PTPRD: variants seen among roughly 807,000 people sequenced by gnomAD.
The protein encoded by PTPRD is receptor-type tyrosine-protein phosphatase delta.
In PTPRD, 34 loss-of-function variants were observed where a neutral mutation model predicts 214.5. The observed-to-expected ratio is 0.16, with a 90% CI of 0.12 to 0.21. The LOEUF (loss-of-function observed/expected upper bound fraction) is 0.21. Among genes scored for constraint, PTPRD ranks in the 10% least tolerant of loss-of-function variants. The pLI, the probability that PTPRD is intolerant of heterozygous loss-of-function variation, is 1.00. For missense variants in PTPRD, 2,545 were observed against 2,398.7 expected (o/e 1.06, Z -1.27); for synonymous variants, 1,128 against 845.7 (o/e 1.33, Z -5.79).
intron 10 of PTPRD, among the ~76,000 whole-genome samples, chr9:9,071,131 C>G (rs558443979): frequency 6.6e-6 from 1 of 152,172 alleles, no homozygotes; most frequent in African/African-American, 2.4e-5. Flanking sequence ...CCAGTGCTAC[C>G]TTTAAATACC....
rs116166812 is a variant in PTPRD at position 9,133,347 on chromosome 9, G to A, written c.-143+49957C>T. Among the ~76,000 whole-genome samples the A allele has an allele frequency of 3.1e-3, 468 of 152,174 alleles. 2 individuals carry two copies. Among genetic ancestry groups the A allele is most frequent in the African/African-American group, 0.011 (443 of 41,514 alleles). ...AATTTATTTTAATAACCTGCTCCCC[G>A]GGGACATTTATTTTGCATAACTTGG... On this transcript the variant is annotated intron_variant, in intron 10 of 45. Transcript: ENST00000381196.
chr9:9,270,517 G>A (rs1388501399), intron 9 of PTPRD, among the ~76,000 whole-genome samples: 1 of 151,356 alleles, frequency 6.6e-6, no homozygotes, highest in Non-Finnish European at 1.5e-5. Flanking sequence ...GGAAACAATG[G>A]AAGGCTGACG....
At chr9:9,447,791 G>C (rs750598469) in intron 8 of PTPRD, among the ~76,000 whole-genome samples, 1 of 152,124 alleles carries the variant, frequency 6.6e-6, no homozygotes, top group Non-Finnish European at 1.5e-5. Flanking sequence ...GAATATGGAA[G>C]AACGCTGTTC....
At chr9:10,228,381 A>G (rs139734152) in intron 3 of PTPRD, among the ~76,000 whole-genome samples, 12 of 152,184 alleles carry the variant, frequency 7.9e-5, no homozygotes, top group African/African-American at 2.4e-4. Context: ...ATATTTCTGT[A>G]TATTAAACAC....
Position 10,314,550 on chromosome 9 carries a change from T to C in PTPRD, c.-545+26413A>G, listed in dbSNP as rs535987824. On this transcript the variant is annotated intron_variant, in intron 3 of 45. Coordinates refer to ENST00000381196, the MANE Select transcript of PTPRD (RefSeq NM_002839.4). ...CATATTAGAAGGGACTGTGAGGCAA[T>C]TGGAAATGCATTCCTGAAGTTTGGG... Among the ~76,000 whole-genome samples the C allele has an allele frequency of 7.2e-4, 109 of 152,036 alleles. 1 individual carries two copies. The highest frequency in any genetic ancestry group is 3.4e-3 in the Middle Eastern group (1 of 294).
chr9:10,029,362 G>A (rs142319962), intron 4 of PTPRD, among the ~76,000 whole-genome samples: 4,318 of 152,248 alleles, frequency 0.028, 122 homozygotes, highest in Admixed American at 0.088. Flanking sequence ...CCCCAGAATG[G>A]TAGATCCACT....
At chr9:9,658,357 C>T (rs758978732) in intron 7 of PTPRD, among the ~76,000 whole-genome samples, 3 of 152,122 alleles carry the variant, frequency 2.0e-5, no homozygotes, top group Non-Finnish European at 4.4e-5. Flanking sequence ...TTTCTTTACC[C>T]TAAAAGGACT....
At chr9:8,404,512 A>C (rs1438922512) in intron 36 of PTPRD, 25 bp downstream of exon 36, 2 of 1,599,622 alleles carry the variant, frequency 1.3e-6, no homozygotes, top group Non-Finnish European at 1.7e-6. Flanking sequence ...AAATAAAGGT[A>C]TCAGTGATGT....
intron 2 of PTPRD, among the ~76,000 whole-genome samples, chr9:10,543,093 C>A (rs546087038): frequency 6.6e-6 from 1 of 151,916 alleles, no homozygotes; most frequent in South Asian, 2.1e-4. Context: ...CCACGTTGGT[C>A]GCACTGGTCC....
intron 9 of PTPRD, among the ~76,000 whole-genome samples, chr9:9,189,514 T>C (rs2099933798): frequency 6.6e-6 from 1 of 152,070 alleles, no homozygotes; most frequent in African/African-American, 2.4e-5. Flanking sequence ...CTACAAAACG[T>C]CCTCTCTGAT....
At chr9:8,357,417 A>C (rs1054011302) in intron 39 of PTPRD, among the ~76,000 whole-genome samples, 2 of 152,202 alleles carry the variant, frequency 1.3e-5, no homozygotes, top group Non-Finnish European at 2.9e-5. Flanking sequence ...GTCTAGGCCT[A>C]TTTGGAGACC....
chr9:8,948,507 ATATATATATATTTATATATATATT>A (rs1247381790), intron 11 of PTPRD, among the ~76,000 whole-genome samples: 12 of 13,612 alleles, frequency 8.8e-4, no homozygotes, highest in Admixed American at 1.9e-3. Context: ...ATATATATTT[ATATATATATATTTATATATATATT>A]TATATATATA....
At chr9:9,060,385 T>C (rs1241235060) in intron 10 of PTPRD, among the ~76,000 whole-genome samples, 1 of 152,166 alleles carries the variant, frequency 6.6e-6, no homozygotes, top group Non-Finnish European at 1.5e-5. Flanking sequence ...CATAATGTTA[T>C]AGGTAAAACA....
At chr9:9,302,339 T>C (rs906260364) in intron 9 of PTPRD, among the ~76,000 whole-genome samples, 5 of 151,934 alleles carry the variant, frequency 3.3e-5, no homozygotes, top group Admixed American at 2.0e-4. Context: ...CCCTCTACCA[T>C]GTCATACACA....
intron 5 of PTPRD, among the ~76,000 whole-genome samples, chr9:9,825,760 T>G (rs1490661028): frequency 6.6e-6 from 1 of 151,852 alleles, no homozygotes; most frequent in African/African-American, 2.4e-5. Flanking sequence ...AACTCTCATT[T>G]TCTTTCTTCA....
chr9:9,869,484 T>A (rs1184873486), intron 5 of PTPRD, among the ~76,000 whole-genome samples: 3 of 152,162 alleles, frequency 2.0e-5, no homozygotes, highest in Non-Finnish European at 4.4e-5. Context: ...ATAGCTTCTC[T>A]TTTATTGTAG....
chr9:10,281,895 T>C (rs189045007), intron 3 of PTPRD, among the ~76,000 whole-genome samples: 1 of 152,154 alleles, frequency 6.6e-6, no homozygotes, highest in African/African-American at 2.4e-5. Flanking sequence ...TAATACAAAC[T>C]ATTTTAGAAC....
intron 8 of PTPRD, among the ~76,000 whole-genome samples, chr9:9,498,279 T>C (rs1460493611): frequency 1.3e-5 from 2 of 152,160 alleles, no homozygotes; most frequent in Non-Finnish European, 2.9e-5. Context: ...TACGCAGTCT[T>C]GTAAGCCAAG....
At chr9:9,829,507 AAAT>A (rs1202240626) in intron 5 of PTPRD, among the ~76,000 whole-genome samples, 1 of 151,830 alleles carries the variant, frequency 6.6e-6, no homozygotes, top group Non-Finnish European at 1.5e-5. Flanking sequence ...AAAATTCCTA[AAAT>A]AATATTTGTA....
Sources: allele counts gnomAD v4.1 joint callset (sites outside exome capture counted in the v4.1 genomes callset), GRCh38; gene constraint gnomAD v4.1.1; transcripts MANE v1.5; gene names NCBI Gene and HGNC (gene_info 2026-07-23, HGNC 2026-07-21).